ZNF600: variants seen among roughly 807,000 people sequenced by gnomAD.
ZNF600 encodes the protein zinc finger protein KR-ZNF1.
A neutral mutation model predicts 7.3 loss-of-function variants in ZNF600; 4 were observed. That is an observed-to-expected ratio of 0.55 (90% CI 0.27 to 1.25). The LOEUF (loss-of-function observed/expected upper bound fraction) is 1.25, where lower values mean the gene tolerates loss of function less well. ZNF600 is among the 50% of genes most tolerant of loss of function. ZNF600 has a pLI of 0.12. For synonymous variants in ZNF600, 290 were observed against 308.9 expected, an observed-to-expected ratio of 0.94 and a Z score of 0.64; for missense variants, 911 against 922.1, an observed-to-expected ratio of 0.99 and a Z score of 0.16.
intron 1 of ZNF600, among the ~76,000 whole-genome samples, chr19:52,782,393 C>T (rs1020152915): frequency 4.0e-5 from 6 of 150,324 alleles, no homozygotes; most frequent in East Asian, 2.0e-4. Flanking sequence ...CATGGTGGTG[C>T]GTGCCTGTAA....
chr19:52,791,925 T>C, the ZNF600 span, among the ~76,000 whole-genome samples: 17 of 152,050 alleles, frequency 1.1e-4, no homozygotes, highest in African/African-American at 3.9e-4. Flanking sequence ...AGCTCAGCCC[T>C]CAGAAATGGA....
intron 3 of ZNF600, 106 bp from the exon 6 acceptor site, chr19:52,767,878 A>T: frequency 7.0e-7 from 1 of 1,418,864 alleles, no homozygotes; most frequent in South Asian, 1.7e-5. Flanking sequence ...GAACTTCCCA[A>T]ATATCATCTT....
intron 2 of ZNF600, among the ~76,000 whole-genome samples, chr19:52,778,266 G>A (rs2062692798): frequency 6.6e-6 from 1 of 151,588 alleles, no homozygotes; most frequent in Non-Finnish European, 1.5e-5. Flanking sequence ...TTCCTGCCTT[G>A]GCCTCACAAA....
At chr19:52,782,537 G>A (rs1366691184) in intron 1 of ZNF600, among the ~76,000 whole-genome samples, 2 of 149,478 alleles carry the variant, frequency 1.3e-5, no homozygotes, top group African/African-American at 2.5e-5. Flanking sequence ...AAAAAAAACC[G>A]ACAACAGCAA....
At chr19:52,817,501 T>C in the ZNF600 span, among the ~76,000 whole-genome samples, 1 of 152,312 alleles carries the variant, frequency 6.6e-6, no homozygotes, top group South Asian at 2.1e-4. Flanking sequence ...AAATGTGGTA[T>C]AAAATCAGGG....
chr19:52,765,217 A>C (rs1380044671), exon 4 of ZNF600: 1 of 531,034 alleles, frequency 1.9e-6, no homozygotes, highest in Non-Finnish European at 3.8e-6. Flanking sequence ...GCAAGGAGTG[A>C]CCTCGGACTC....
Position 52,783,358 on chromosome 19 carries a change from C to T in ZNF600, c.-20+3237G>A, listed in dbSNP as rs944210627. Among the ~76,000 whole-genome samples, 3 of 152,124 alleles carry T rather than the reference C, an allele frequency of 2.0e-5. No homozygotes were observed. The South Asian group carries it at 6.2e-4, about 31-fold the overall frequency. On this transcript the variant is annotated intron_variant, in intron 1 of 3. Transcript: ENST00000648973. Reference sequence around the variant, plus strand: ...TTCATTACTTTTCCCCTCCATCATTCCTTTTTTTGTTTGTTTGTTTTGAGA... The same window carrying T: ...TTCATTACTTTTCCCCTCCATCATTTCTTTTTTTGTTTGTTTGTTTTGAGA...
At chr19:52,794,352 G>GT in the ZNF600 span, among the ~76,000 whole-genome samples, 1 of 152,160 alleles carries the variant, frequency 6.6e-6, no homozygotes. Flanking sequence ...ATTTGGCAAA[G>GT]TATTTCAGGG....
exon 4 of ZNF600, chr19:52,765,214 G>A: frequency 1.9e-6 from 1 of 525,190 alleles, no homozygotes; most frequent in Non-Finnish European, 3.8e-6. Flanking sequence ...TCTGCAAGGA[G>A]TGACCTCGGA....
At chr19:52,819,959 C>A in the ZNF600 span, among the ~76,000 whole-genome samples, 10 of 145,000 alleles carry the variant, frequency 6.9e-5, no homozygotes, top group South Asian at 2.3e-3. Context: ...AGGTGGTTCA[C>A]ACCTGTAATT....
the ZNF600 span, among the ~76,000 whole-genome samples, chr19:52,795,670 G>A: frequency 2.0e-5 from 3 of 152,042 alleles, no homozygotes; most frequent in Non-Finnish European, 2.9e-5. Flanking sequence ...GGATTCAAGC[G>A]ATTCTCCTGC....
the ZNF600 span, among the ~76,000 whole-genome samples, chr19:52,808,812 C>CAAAAT: frequency 6.6e-6 from 1 of 151,892 alleles, no homozygotes; most frequent in Non-Finnish European, 1.5e-5. Flanking sequence ...GACCCCATCT[C>CAAAAT]AAAATAAAAT....
At chr19:52,785,210 C>T (rs1329124535) in intron 1 of ZNF600, among the ~76,000 whole-genome samples, 3 of 151,910 alleles carry the variant, frequency 2.0e-5, no homozygotes, top group Non-Finnish European at 2.9e-5. Context: ...TTCTCTTCCA[C>T]CTCTTCTGCT....
At chr19:52,769,384 A>G (rs374371159) in intron 3 of ZNF600, among the ~76,000 whole-genome samples, 1 of 152,136 alleles carries the variant, frequency 6.6e-6, no homozygotes, top group African/African-American at 2.4e-5. Context: ...TGAAAGTACT[A>G]AAAGTGTCTG....
the ZNF600 span, among the ~76,000 whole-genome samples, chr19:52,832,279 C>T: frequency 6.6e-6 from 1 of 152,114 alleles, no homozygotes; most frequent in Non-Finnish European, 1.5e-5. Context: ...TCTTCACTTT[C>T]CATTCCTTTC....
At chr19:52,785,571 T>C (rs560490606) in intron 1 of ZNF600, among the ~76,000 whole-genome samples, 8 of 152,214 alleles carry the variant, frequency 5.3e-5, no homozygotes, top group Non-Finnish European at 1.2e-4. Flanking sequence ...CTTGTTGTTC[T>C]TTCTCCCCAA....
the ZNF600 span, chr19:52,799,293 C>G: frequency 2.3e-6 from 1 of 428,232 alleles, no homozygotes; most frequent in Admixed American, 3.9e-5. Context: ...AGTTTGAATT[C>G]TAATATGTTT....
upstream of ZNF600, among the ~76,000 whole-genome samples, chr19:52,787,804 G>A (rs1430539572): frequency 1.4e-5 from 2 of 147,246 alleles, no homozygotes; most frequent in East Asian, 2.1e-4. Context: ...AGCGTGCAGT[G>A]AGCCAAGATC....
the ZNF600 span, among the ~76,000 whole-genome samples, chr19:52,802,383 C>A: frequency 3.1e-5 from 1 of 32,492 alleles, no homozygotes; most frequent in African/African-American, 1.2e-4. Flanking sequence ...AACAAAAAAA[C>A]AAACAACAAA....
Sources: gnomAD v4.1 joint callset for allele counts (sites outside exome capture counted in the v4.1 genomes callset) on GRCh38, gnomAD v4.1.1 for gene constraint, MANE v1.5 for transcripts, NCBI Gene and HGNC (gene_info 2026-07-23, HGNC 2026-07-21) for gene names.